The following IGDCC3 variants were observed in gnomAD, a reference collection of about 807,000 sequenced individuals.
The protein encoded by IGDCC3 is putative neuronal cell adhesion molecule.
Under a neutral mutation model 72.0 loss-of-function variants are expected in IGDCC3, and 47 were observed. That is an observed-to-expected ratio of 0.65 (90% CI 0.52 to 0.83). The LOEUF (loss-of-function observed/expected upper bound fraction) is 0.83, where lower values mean the gene tolerates loss of function less well. Ranked by LOEUF, IGDCC3 falls within the 40% of genes least tolerant of loss-of-function variation. The pLI is 0.00. For missense variants in IGDCC3, 1,038 were observed against 1,091.3 expected (o/e 0.95, Z 0.69); for synonymous variants, 477 against 472.8 (o/e 1.01, Z -0.11).
At chr15:65,361,574 C>T (rs2091261780) in intron 2 of IGDCC3, among the ~76,000 whole-genome samples, 1 of 152,038 alleles carries the variant, frequency 6.6e-6, no homozygotes, top group South Asian at 2.1e-4. Flanking sequence ...TTGATAGGGG[C>T]GAGTTCCCCA....
intron 2 of IGDCC3, among the ~76,000 whole-genome samples, chr15:65,344,233 G>T (rs1414748654): frequency 1.3e-5 from 2 of 152,190 alleles, no homozygotes; most frequent in Non-Finnish European, 2.9e-5. Context: ...TCAGGGGACT[G>T]TGGTGGCTTC....
rs2091139227 is a variant in IGDCC3, at chr15:65,347,937, A to AAC, written c.410-11982_410-11981insGT. Among the ~76,000 whole-genome samples the AAC allele has an allele frequency of 6.0e-5, 9 of 150,562 alleles. 1 individual carries two copies. The South Asian group carries it at 8.4e-4, about 14-fold the overall frequency. On this transcript the variant is annotated intron_variant, in intron 2 of 13. Transcript: ENST00000327987. ...GGCAACAAGAGCGAAATTTCATCTC[A>AAC]AACAACAACAACAACAACAACAACA...
chr15:65,328,716 A>G lies in IGDCC3; in HGVS notation c.*193T>C, dbSNP rs1242232381. On this transcript the variant is annotated 3_prime_UTR_variant, in exon 14 of 14. Coordinates refer to ENST00000327987, the MANE Select transcript of IGDCC3 (RefSeq NM_004884.4). The stretch of plus-strand genomic sequence containing the variant: ...ACAGGCTCCTGCAGGAACTGCTCCA[A>G]CTCCTGATGGGTGTTAGGGCCGGGG... 1 of 526,310 alleles carries G rather than the reference A, an allele frequency of 1.9e-6. No homozygotes were observed. The highest frequency in any genetic ancestry group is 3.5e-5 in the East Asian group (1 of 28,738). The allele number at this position is 526,310 out of a possible 1,614,324, so 32.6% of individuals were successfully genotyped here.
At chr15:65,347,606 C>T (rs991630019) in intron 2 of IGDCC3, among the ~76,000 whole-genome samples, 1 of 152,076 alleles carries the variant, frequency 6.6e-6, no homozygotes, top group Non-Finnish European at 1.5e-5. Context: ...TTTGTCAGCA[C>T]AAAATACAGG....
chr15:65,333,077 G>A (rs539641220), intron 6 of IGDCC3, among the ~76,000 whole-genome samples, 180 bp downstream of exon 6: 2 of 152,246 alleles, frequency 1.3e-5, no homozygotes, highest in Admixed American at 6.5e-5. Context: ...CATTCCCAAC[G>A]CAAGCATTCC....
chr15:65,371,937 G>A (rs2091327974), intron 2 of IGDCC3, among the ~76,000 whole-genome samples: 2 of 152,156 alleles, frequency 1.3e-5, no homozygotes, highest in Admixed American at 1.3e-4. Flanking sequence ...CCCAGGAAGG[G>A]GTTAAAACAA....
intron 2 of IGDCC3, among the ~76,000 whole-genome samples, chr15:65,342,858 T>G (rs113858559): frequency 6.7e-5 from 10 of 150,322 alleles, no homozygotes; most frequent in African/African-American, 1.0e-4. Context: ...TGTTTGTTTG[T>G]TTTTTTTTGT....
rs543276508 is a variant in IGDCC3 at position 65,329,426 on chromosome 15, C to T, written c.2169G>A (p.Pro723=). Residue 723 remains proline, a synonymous_variant, in exon 13 of 14, where the codon CCG becomes CCA. Coordinates refer to ENST00000327987, the MANE Select transcript of IGDCC3 (RefSeq NM_004884.4). This position sits in a 1 kb window ranked among gnomAD's most constrained non-coding sequence, Gnocchi z 4.1. ...DMKELEQLFP[P]ASAAGQPDPR... ...GGTCCGGCTGCCCTGCTGCGCTGGCCGGGGGGAACAGCTGCTCCAGCTCCT... is the reference window on the plus strand; with the variant it reads ...GGTCCGGCTGCCCTGCTGCGCTGGCTGGGGGGAACAGCTGCTCCAGCTCCT... 4.9e-5 allele frequency: 78 copies of T among 1,602,902 alleles called. No homozygotes were observed. The highest frequency in any genetic ancestry group is 2.5e-4 in the East Asian group (11 of 44,796).
Position 65,334,865 on chromosome 15 carries a change from C to T in IGDCC3, c.686G>A (p.Gly229Asp). Residue 229 changes from glycine (G) to aspartate (D), a missense_variant and splice_region_variant, in exon 5 of 14, where the codon GGC becomes GAC. By Grantham distance (94) the Gly-to-Asp change is moderately conservative. Transcript: ENST00000327987. The part of the protein sequence containing the change: ...ISHGARLTVS[G>D]SGSGAYKEPA... ...CTCCTTGTAGGCCCCAGAGCCCGAG[C>T]CTGGGAGGAAGACGCCACATATCCT... 6.2e-7 allele frequency: 1 copy of T among 1,609,816 alleles called. No individual in the cohort carries two copies. Among genetic ancestry groups the T allele is most frequent in the South Asian group, 1.1e-5 (1 of 90,480 alleles).
chr15:65,338,045 G>C (rs1467466893), intron 2 of IGDCC3, among the ~76,000 whole-genome samples: 1 of 152,240 alleles, frequency 6.6e-6, no homozygotes, highest in Non-Finnish European at 1.5e-5. Context: ...GATGGAGAAA[G>C]TCTGGCTTCC....
intron 2 of IGDCC3, among the ~76,000 whole-genome samples, chr15:65,356,848 CTTTTTT>C (rs766472764): frequency 1.4e-5 from 1 of 70,898 alleles, no homozygotes; most frequent in East Asian, 4.4e-4. Context: ...AATGGACCTG[CTTTTTT>C]TTTTTTTTTT....
rs369992560 is a variant in IGDCC3, at chr15:65,377,162, C to T, written c.103+524G>A. 2.9e-4 allele frequency among the ~76,000 whole-genome samples: 44 copies of T among 152,268 alleles called. No homozygotes were observed. The highest frequency in any genetic ancestry group is 9.9e-4 in the African/African-American group (41 of 41,556). On this transcript the variant is annotated intron_variant, in intron 1 of 13. Transcript: ENST00000327987. This position sits in a 1 kb window ranked among gnomAD's most constrained non-coding sequence, Gnocchi z 4.9. Reference sequence around the variant, plus strand: ...GCCCTCCAGGAATCTCCCTCGTCTTCTCCTGTCTCTCCCGCGCACTCCTCA... The same window carrying T: ...GCCCTCCAGGAATCTCCCTCGTCTTTTCCTGTCTCTCCCGCGCACTCCTCA...
intron 2 of IGDCC3, among the ~76,000 whole-genome samples, chr15:65,347,303 C>T (rs1310147417): frequency 6.6e-6 from 1 of 152,240 alleles, no homozygotes. Flanking sequence ...AACAGAGAGG[C>T]AGGCTGAGAT....
intron 2 of IGDCC3, among the ~76,000 whole-genome samples, chr15:65,344,576 A>C (rs1414222966): frequency 6.6e-6 from 1 of 152,230 alleles, no homozygotes; most frequent in Admixed American, 6.5e-5. Flanking sequence ...ATGTCTCAGC[A>C]TCTAGCTGTT....
At chr15:65,371,633 G>A (rs181343607) in intron 2 of IGDCC3, among the ~76,000 whole-genome samples, 6 of 152,352 alleles carry the variant, frequency 3.9e-5, no homozygotes, top group Admixed American at 3.3e-4. Context: ...GGTTTGGGAA[G>A]TCCTGCACTA....
chr15:65,336,409 T>G (rs74020996), intron 2 of IGDCC3, among the ~76,000 whole-genome samples: 1,855 of 152,188 alleles, frequency 0.012, 31 homozygotes, highest in African/African-American at 0.042. Flanking sequence ...TGCTTCACAT[T>G]TTATAGAATT....
chr15:65,333,484 A>T, intron 5 of IGDCC3, 69 bp from the exon 6 acceptor site: 1 of 1,423,642 alleles, frequency 7.0e-7, no homozygotes, highest in South Asian at 1.4e-5. Context: ...AGTAAAGGAA[A>T]CTTCCAGATG....
chr15:65,329,319 A>AG lies in IGDCC3; in HGVS notation c.2205+70dup, dbSNP rs1419059420. 33 of 1,495,484 alleles carry AG rather than the reference A, an allele frequency of 2.2e-5. No individual in the cohort carries two copies. The East Asian group carries it at 5.9e-4, about 27-fold the overall frequency. 92.6% of individuals were successfully genotyped at this position (1,495,484 alleles called of 1,614,324 possible). On this transcript the variant is annotated intron_variant, in intron 13 of 13. Coordinates refer to ENST00000327987, the MANE Select transcript of IGDCC3 (RefSeq NM_004884.4). The surrounding 1 kb of genome is among the most constrained non-coding windows in gnomAD (Gnocchi z 4.1). Reference sequence around the variant, plus strand: ...TGATCGAGGCCCGTGGCCAAGGTGAAGGGGGGCAGGATTGGAAGGTGGCAG... The same window carrying AG: ...TGATCGAGGCCCGTGGCCAAGGTGAAGGGGGGGCAGGATTGGAAGGTGGCAG...
intron 2 of IGDCC3, among the ~76,000 whole-genome samples, chr15:65,337,547 A>G (rs1440962151): frequency 1.3e-5 from 2 of 152,206 alleles, no homozygotes; most frequent in Non-Finnish European, 2.9e-5. Flanking sequence ...TGGTGTTCCC[A>G]TCAGGCTTGG....
Sources: allele counts gnomAD v4.1 joint callset (sites outside exome capture counted in the v4.1 genomes callset), GRCh38; gene constraint gnomAD v4.1.1; non-coding constraint Gnocchi (gnomAD v3.1); transcripts MANE v1.5; gene names NCBI Gene and HGNC (gene_info 2026-07-23, HGNC 2026-07-21).